Variants in PRELID2 observed in about 807,000 individuals in gnomAD.
PRELID2 encodes PRELI domain-containing protein 2.
PRELID2 carries 25 observed loss-of-function variants against 28.4 expected under a neutral mutation model. The ratio of observed to expected loss-of-function variants is 0.88; its 90% confidence interval spans 0.64 to 1.23. The LOEUF is 1.23. Ranked by LOEUF, PRELID2 falls within the 50% of genes most tolerant of loss-of-function variation. The probability of loss-of-function intolerance (pLI) is 0.00; values close to 1 mark genes in which losing one functional copy is unlikely to be tolerated. For synonymous variants in PRELID2, 76 were observed against 71.6 expected (o/e 1.06, Z -0.31); for missense variants, 201 against 214.4 (o/e 0.94, Z 0.39).
At chr5:145,300,160 A>C in the PRELID2 span, among the ~76,000 whole-genome samples, 1 of 152,128 alleles carries the variant, frequency 6.6e-6, no homozygotes, top group African/African-American at 2.4e-5. Flanking sequence ...GACCAGTTCT[A>C]GCCATTTCAA....
intron 1 of PRELID2, among the ~76,000 whole-genome samples, chr5:145,671,290 C>G (rs1754701383): frequency 6.6e-6 from 1 of 152,076 alleles, no homozygotes; most frequent in Non-Finnish European, 1.5e-5. Context: ...CTTTTTGAAC[C>G]CAGTTAGTCC....
chr5:145,489,439 C>A (rs1752248696), intron 1 of PRELID2, among the ~76,000 whole-genome samples: 1 of 152,060 alleles, frequency 6.6e-6, no homozygotes, highest in Admixed American at 6.5e-5. Context: ...TGTAAGATTC[C>A]TGACAACTTA....
chr5:145,542,838 C>T (rs139911851), intron 1 of PRELID2, among the ~76,000 whole-genome samples: 145 of 150,078 alleles, frequency 9.7e-4, no homozygotes, highest in African/African-American at 3.3e-3. Context: ...TTCTATTATA[C>T]ATGGTACGCT....
chr5:145,659,704 T>C (rs556908907), intron 1 of PRELID2, among the ~76,000 whole-genome samples: 36 of 152,348 alleles, frequency 2.4e-4, no homozygotes, highest in Non-Finnish European at 4.1e-4. Flanking sequence ...GACCTCAGAA[T>C]GTGGCCTCTG....
At chr5:145,738,456 A>G (rs1206019277) in intron 1 of PRELID2, among the ~76,000 whole-genome samples, 1 of 152,180 alleles carries the variant, frequency 6.6e-6, no homozygotes, top group East Asian at 1.9e-4. Flanking sequence ...ACTTGAAACC[A>G]ATGAAAGTAG....
intron 1 of PRELID2, among the ~76,000 whole-genome samples, chr5:145,708,460 A>G (rs1165370514): frequency 6.6e-6 from 1 of 151,620 alleles, no homozygotes. Flanking sequence ...ATGTAATTTT[A>G]TTACATCATT....
At chr5:145,593,640 G>A (rs1343182923) in intron 1 of PRELID2, among the ~76,000 whole-genome samples, 2 of 152,184 alleles carry the variant, frequency 1.3e-5, no homozygotes, top group Non-Finnish European at 2.9e-5. Context: ...CAAAGAGAAA[G>A]TATAAATCCT....
At position 145,799,185 on chromosome 5, in the gene PRELID2, A is replaced by G. The variant is rs1048665172; in HGVS notation, c.369-2638T>C. On this transcript the variant is annotated intron_variant, in intron 4 of 6. Transcript: ENST00000683046. ...GTAGATTACTTGGCAGAAACTTTGC[A>G]GGCAAGAAGTGAATGGAATGACATG... Among the ~76,000 whole-genome samples the G allele has an allele frequency of 8.6e-5, 13 of 151,082 alleles. No individual in the cohort carries two copies. The East Asian group carries it at 2.5e-3, about 29-fold the overall frequency.
chr5:145,321,764 T>A, the PRELID2 span, among the ~76,000 whole-genome samples: 1 of 152,222 alleles, frequency 6.6e-6, no homozygotes, highest in Non-Finnish European at 1.5e-5. Flanking sequence ...TACAAAACTA[T>A]CTTTGTGCTG....
chr5:145,455,971 G>A, the PRELID2 span, among the ~76,000 whole-genome samples: 1 of 147,236 alleles, frequency 6.8e-6, no homozygotes, highest in African/African-American at 2.5e-5. Flanking sequence ...GCAGACTGGA[G>A]CCGCTCCTAT....
the PRELID2 span, chr5:145,229,097 G>A: frequency 1.2e-5 from 18 of 1,473,870 alleles, no homozygotes; most frequent in African/African-American, 2.8e-5. Flanking sequence ...CTCTCACCAG[G>A]CCCTGCATCG....
chr5:145,297,857 C>T, the PRELID2 span, among the ~76,000 whole-genome samples: 1 of 151,864 alleles, frequency 6.6e-6, no homozygotes, highest in Admixed American at 6.6e-5. Context: ...CATGAGTGAA[C>T]TCCCATTCAC....
chr5:145,566,927 C>A (rs1011234104), intron 1 of PRELID2, among the ~76,000 whole-genome samples: 1 of 150,320 alleles, frequency 6.7e-6, no homozygotes, highest in East Asian at 2.0e-4. Flanking sequence ...GAACAGTTTT[C>A]TTTTTCTATT....
the PRELID2 span, among the ~76,000 whole-genome samples, chr5:145,454,982 A>G: frequency 2.0e-5 from 3 of 152,120 alleles, no homozygotes; most frequent in African/African-American, 7.2e-5. Context: ...TCTTTAGTTT[A>G]ATTAGATTCC....
intron 1 of PRELID2, among the ~76,000 whole-genome samples, chr5:145,479,763 C>G (rs1014067214): frequency 7.9e-5 from 12 of 152,160 alleles, no homozygotes; most frequent in Admixed American, 7.9e-4. Context: ...TTCTGGTCTT[C>G]CAATTTTCTG....
intron 1 of PRELID2, among the ~76,000 whole-genome samples, chr5:145,745,229 T>C (rs1756956551): frequency 6.6e-6 from 1 of 152,072 alleles, no homozygotes; most frequent in Non-Finnish European, 1.5e-5. Context: ...ACCAAACCTA[T>C]GATAGACTGG....
the PRELID2 span, among the ~76,000 whole-genome samples, chr5:145,408,282 A>G: frequency 6.6e-6 from 1 of 151,882 alleles, no homozygotes; most frequent in Non-Finnish European, 1.5e-5. Flanking sequence ...CTCTCCAGCA[A>G]TGGATACAAA....
At chr5:145,313,572 C>T in the PRELID2 span, among the ~76,000 whole-genome samples, 1 of 152,166 alleles carries the variant, frequency 6.6e-6, no homozygotes, top group African/African-American at 2.4e-5. Context: ...AAAATGGCTA[C>T]TGTGGGACCC....
At chr5:145,666,665 T>C (rs752323365) in intron 1 of PRELID2, among the ~76,000 whole-genome samples, 15 of 152,090 alleles carry the variant, frequency 9.9e-5, no homozygotes, top group Non-Finnish European at 2.1e-4. Context: ...GTAACTCCAT[T>C]TAGTCACTTA....
Sources: allele counts gnomAD v4.1 joint callset (sites outside exome capture counted in the v4.1 genomes callset), GRCh38; gene constraint gnomAD v4.1.1; transcripts MANE v1.5; gene names NCBI Gene and HGNC (gene_info 2026-07-23, HGNC 2026-07-21).